The following NXPH1 variants were observed in gnomAD, a reference collection of about 807,000 sequenced individuals.
The protein encoded by NXPH1 is neurexophilin-1.
In NXPH1, 5 loss-of-function variants were observed where a neutral mutation model predicts 23.7. The observed-to-expected ratio is 0.21, with a 90% CI of 0.11 to 0.44. NXPH1 has a LOEUF of 0.44. Ranked by LOEUF, NXPH1 falls within the 20% of genes least tolerant of loss-of-function variation. The pLI, the probability that NXPH1 is intolerant of heterozygous loss-of-function variation, is 0.99. For synonymous variants in NXPH1, 144 were observed against 122.2 expected (o/e 1.18, Z -1.18); for missense variants, 324 against 321.6 (o/e 1.01, Z -0.06).
intron 2 of NXPH1, among the ~76,000 whole-genome samples, chr7:8,612,152 C>G (rs994098553): frequency 6.6e-6 from 1 of 151,452 alleles, no homozygotes. Context: ...CCCCTTCTTT[C>G]CTTTCTCTTT....
chr7:8,486,620 G>A (rs1030972662), intron 2 of NXPH1, among the ~76,000 whole-genome samples: 2 of 152,096 alleles, frequency 1.3e-5, no homozygotes, highest in African/African-American at 2.4e-5. Flanking sequence ...TTAATTAAGC[G>A]AGATAATAAA....
At chr7:8,497,547 C>T (rs62448062) in intron 2 of NXPH1, among the ~76,000 whole-genome samples, 22,576 of 151,916 alleles carry the variant, frequency 0.15, 1,978 homozygotes, top group Non-Finnish European at 0.19. Context: ...TTTTAATGAT[C>T]GCCATTCTAA....
intron 2 of NXPH1, among the ~76,000 whole-genome samples, chr7:8,675,874 A>G (rs1263769770): frequency 6.6e-6 from 1 of 152,126 alleles, no homozygotes; most frequent in East Asian, 1.9e-4. Context: ...TAGTCAATTC[A>G]ACTGCTAATC....
intron 2 of NXPH1, among the ~76,000 whole-genome samples, chr7:8,661,612 C>A (rs948586615): frequency 6.6e-6 from 1 of 151,874 alleles, no homozygotes; most frequent in Non-Finnish European, 1.5e-5. Flanking sequence ...CCCTTGGATA[C>A]CTGAAAAAGG....
chr7:8,480,455 G>A (rs758539733), intron 2 of NXPH1, among the ~76,000 whole-genome samples: 1 of 152,144 alleles, frequency 6.6e-6, no homozygotes, highest in Non-Finnish European at 1.5e-5. Context: ...CCATGATTCA[G>A]AATGGACAAT....
intron 2 of NXPH1, among the ~76,000 whole-genome samples, chr7:8,708,230 A>G (rs1322345787): frequency 6.6e-6 from 1 of 152,228 alleles, no homozygotes; most frequent in Non-Finnish European, 1.5e-5. Context: ...TAATTCATTC[A>G]ACTGACATGA....
At chr7:8,436,420 A>T (rs1486296826) in intron 2 of NXPH1, among the ~76,000 whole-genome samples, 1 of 152,164 alleles carries the variant, frequency 6.6e-6, no homozygotes, top group African/African-American at 2.4e-5. Context: ...GTCCATTATT[A>T]GGGAATGGTA....
chr7:8,473,096 G>C (rs796484514), intron 2 of NXPH1, among the ~76,000 whole-genome samples: 6 of 152,292 alleles, frequency 3.9e-5, no homozygotes, highest in African/African-American at 1.4e-4. Context: ...ATGGGGTTTA[G>C]ACATGGCATA....
At chr7:8,436,889 A>G (rs1816205051) in intron 2 of NXPH1, among the ~76,000 whole-genome samples, 1 of 152,164 alleles carries the variant, frequency 6.6e-6, no homozygotes, top group South Asian at 2.1e-4. Context: ...TACAATTGAC[A>G]GCGTTTCTCG....
At chr7:8,604,071 A>C (rs1293103730) in intron 2 of NXPH1, among the ~76,000 whole-genome samples, 1 of 152,032 alleles carries the variant, frequency 6.6e-6, no homozygotes, top group Non-Finnish European at 1.5e-5. Flanking sequence ...TGAGGAAAAA[A>C]ATAAAAAAAA....
intron 2 of NXPH1, among the ~76,000 whole-genome samples, chr7:8,646,958 G>A (rs1246850003): frequency 1.3e-5 from 2 of 151,916 alleles, no homozygotes; most frequent in African/African-American, 4.8e-5. Flanking sequence ...AGAGAACACA[G>A]GGGAACAGGC....
intron 2 of NXPH1, among the ~76,000 whole-genome samples, chr7:8,441,740 C>T (rs1310862667): frequency 6.6e-6 from 1 of 152,184 alleles, no homozygotes; most frequent in Non-Finnish European, 1.5e-5. Context: ...TCTTCAAACC[C>T]CTCCGCGCGC....
rs974361824 is a variant in NXPH1 at position 8,485,483 on chromosome 7, C to G, written c.54+49716C>G. Among the ~76,000 whole-genome samples the G allele has an allele frequency of 5.9e-5, 9 of 152,130 alleles. 1 individual carries two copies. Among genetic ancestry groups the G allele is most frequent in the Admixed American group, 1.3e-4 (2 of 15,266 alleles). On this transcript the variant is annotated intron_variant, in intron 2 of 2. Transcript: ENST00000405863. The stretch of plus-strand genomic sequence containing the variant: ...CTTGTTCGTGGATATCTCAGAAGTT[C>G]CTCAGAGGAACTTCTAATTTCTCAT...
intron 2 of NXPH1, among the ~76,000 whole-genome samples, chr7:8,439,709 T>C (rs1816258954): frequency 6.6e-6 from 1 of 152,228 alleles, no homozygotes; most frequent in Non-Finnish European, 1.5e-5. Context: ...ACCAATTGTT[T>C]AATAGAGTTT....
Position 8,435,513 on chromosome 7 carries a change from C to T in NXPH1, c.-110-91C>T, listed in dbSNP as rs1355887802. On this transcript the variant is annotated intron_variant, in intron 1 of 2. Transcript: ENST00000405863. This position sits in a 1 kb window ranked among gnomAD's most constrained non-coding sequence, Gnocchi z 5.9. ...TCCCTCCCTTTTTTTTTTGGTCCCC[C>T]ACTCCCCGCTACGACCCCCTTTCCC... 36 of 575,260 alleles carry T rather than the reference C, an allele frequency of 6.3e-5. No individual in the cohort carries two copies. The highest frequency in any genetic ancestry group is 1.1e-4 in the Non-Finnish European group (34 of 321,814). The allele number at this position is 575,260 out of a possible 1,614,324, so 35.6% of individuals were successfully genotyped here.
intron 2 of NXPH1, among the ~76,000 whole-genome samples, chr7:8,437,370 G>T (rs555493607): frequency 7.3e-6 from 1 of 137,662 alleles, no homozygotes; most frequent in South Asian, 2.7e-4. Flanking sequence ...GAGATGGGGG[G>T]AGGGAATGCA....
chr7:8,671,649 T>G (rs955401477), intron 2 of NXPH1, among the ~76,000 whole-genome samples: 1 of 152,218 alleles, frequency 6.6e-6, no homozygotes, highest in Admixed American at 6.5e-5. Context: ...GTAGTTTTTA[T>G]GTTTTAGATA....
At chr7:8,625,800 G>C (rs555140878) in intron 2 of NXPH1, among the ~76,000 whole-genome samples, 1 of 152,212 alleles carries the variant, frequency 6.6e-6, no homozygotes, top group South Asian at 2.1e-4. Flanking sequence ...CTAGATCAAT[G>C]TCAAGCTAAA....
intron 2 of NXPH1, among the ~76,000 whole-genome samples, chr7:8,447,817 C>T (rs890772974): frequency 6.6e-6 from 1 of 152,168 alleles, no homozygotes; most frequent in Non-Finnish European, 1.5e-5. Flanking sequence ...CTTGATGTTC[C>T]TCGAACAAGT....
Sources: gnomAD v4.1 joint callset for allele counts (sites outside exome capture counted in the v4.1 genomes callset) on GRCh38, gnomAD v4.1.1 for gene constraint, Gnocchi (gnomAD v3.1) non-coding constraint, MANE v1.5 for transcripts, NCBI Gene and HGNC (gene_info 2026-07-23, HGNC 2026-07-21) for gene names.